The following SMPDL3B variants were observed in gnomAD, a reference collection of about 807,000 sequenced individuals.
SMPDL3B encodes sphingomyelin phosphodiesterase acid like 3B.
A neutral mutation model predicts 37.9 loss-of-function variants in SMPDL3B; 31 were observed. The ratio of observed to expected loss-of-function variants is 0.82; its 90% CI spans 0.61 to 1.10. The LOEUF (loss-of-function observed/expected upper bound fraction) is 1.10. Among genes scored for constraint, SMPDL3B ranks in the 50% least tolerant of loss-of-function variants. The pLI, the probability that SMPDL3B is intolerant of heterozygous loss-of-function variation, is 0.00. For missense variants in SMPDL3B, 525 were observed against 597.8 expected, an observed-to-expected ratio of 0.88 and a Z score of 1.27; for synonymous variants, 235 against 242.6, an observed-to-expected ratio of 0.97 and a Z score of 0.29.
At chr1:27,940,081 C>T (rs2090343892) in intron 1 of SMPDL3B, among the ~76,000 whole-genome samples, 1 of 152,182 alleles carries the variant, frequency 6.6e-6, no homozygotes, top group Non-Finnish European at 1.5e-5. Flanking sequence ...CCTTGCAGAG[C>T]TATGAGGCCT....
chr1:27,954,621 C>A (rs1354238439), intron 5 of SMPDL3B, 95 bp downstream of exon 5: 10 of 1,216,372 alleles, frequency 8.2e-6, no homozygotes, highest in Non-Finnish European at 1.1e-5. Flanking sequence ...CAAAGATGCC[C>A]ATATCCCAGA....
intron 7 of SMPDL3B, 136 bp downstream of exon 7, chr1:27,956,218 C>G: frequency 6.3e-7 from 1 of 1,588,190 alleles, no homozygotes; most frequent in Non-Finnish European, 8.6e-7. Flanking sequence ...CACCCTTCTC[C>G]AGCTCAGGAT....
chr1:27,953,478 C>A, intron 4 of SMPDL3B, 120 bp downstream of exon 4: 1 of 922,350 alleles, frequency 1.1e-6, no homozygotes, highest in Non-Finnish European at 1.6e-6. Flanking sequence ...GATAAGGAAG[C>A]CAGGGTCATA....
intron 1 of SMPDL3B, among the ~76,000 whole-genome samples, chr1:27,936,112 G>A (rs1254197194): frequency 6.6e-6 from 1 of 152,124 alleles, no homozygotes; most frequent in East Asian, 1.9e-4. Flanking sequence ...TGTCATTGGA[G>A]GGTTCTAGGC....
chr1:27,954,723 AC>A (rs1386467848), intron 5 of SMPDL3B, among the ~76,000 whole-genome samples, 197 bp downstream of exon 5: 1 of 152,102 alleles, frequency 6.6e-6, no homozygotes, highest in Non-Finnish European at 1.5e-5. Context: ...GCAGATGAGG[AC>A]CCTGAGGCTC....
intron 7 of SMPDL3B, 95 bp downstream of exon 7, chr1:27,956,177 C>A: frequency 2.5e-6 from 4 of 1,610,976 alleles, no homozygotes; most frequent in Non-Finnish European, 3.4e-6. Context: ...CTTCCCCTGA[C>A]CACTGAGCCT....
chr1:27,935,160 G>A lies in SMPDL3B; in HGVS notation c.-24G>A, dbSNP rs754719567. ...AACAACAGTGCCTGAGAATCCCACG[G>A]CTCTGGGGAAGTGAGCCCCGAGGAT... is the stretch of plus-strand genomic sequence containing the variant. On this transcript the variant is annotated 5_prime_UTR_variant, in exon 1 of 8. Transcript: ENST00000373894. 1.2e-6 allele frequency: 2 copies of A among 1,606,378 alleles called. No individual in the cohort carries two copies. The highest frequency in any genetic ancestry group is 3.3e-5 in the Admixed American group (2 of 59,964).
At position 27,954,358 on chromosome 1, in the gene SMPDL3B, C is replaced by T. The variant is rs2090480052; in HGVS notation, c.522C>T (p.Ala174=). 1.9e-6 allele frequency: 3 copies of T among 1,613,576 alleles called. No individual in the cohort carries two copies. The Admixed American group carries it at 5.0e-5, about 27-fold the overall frequency. The part of the protein sequence containing the change: ...NESIALFKKG[A]FYCEKLPGPS... ...TATTGTCCCTGGCTGTGACAGGTGC[C>T]TTCTACTGTGAGAAGCTGCCGGGTC... Residue 174 remains alanine (A), a synonymous_variant, in exon 5 of 8, where the codon GCC becomes GCT. Coordinates refer to ENST00000373894, the MANE Select transcript of SMPDL3B (RefSeq NM_014474.4).
At chr1:27,949,211 A>C in intron 3 of SMPDL3B, 49 bp downstream of exon 3, 1 of 1,582,590 alleles carries the variant, frequency 6.3e-7, no homozygotes, top group Non-Finnish European at 8.7e-7. Context: ...AACTCTAGGC[A>C]CTGCCTGGCA....
Position 27,954,502 on chromosome 1 carries a change from C to T in SMPDL3B, c.666C>T (p.Thr222=), listed in dbSNP as rs1247644712. 14 of 1,613,798 alleles carry T rather than the reference C, an allele frequency of 8.7e-6. No homozygotes were observed. Among genetic ancestry groups the T allele is most frequent in the South Asian group, 2.2e-5 (2 of 91,074 alleles). The change falls in exon 5 of 8, where the codon ACC becomes ACT. Residue 222 remains threonine (T), a synonymous_variant. Coordinates refer to ENST00000373894, the MANE Select transcript of SMPDL3B (RefSeq NM_014474.4). The part of the protein sequence containing the change: ...QQFQWLEDVL[T]DASKAGDMVY... ...TCCAGTGGCTGGAAGATGTGCTGAC[C>T]GATGCATCCAAAGCTGGGGACATGG...
At chr1:27,955,564 G>A in intron 5 of SMPDL3B, 120 bp from the exon 6 acceptor site, 1 of 940,990 alleles carries the variant, frequency 1.1e-6, no homozygotes, top group Non-Finnish European at 1.7e-6. Flanking sequence ...AGGCCTTCAG[G>A]GAGGAGATAC....
chr1:27,956,710 A>G (rs1638293301), intron 7 of SMPDL3B, among the ~76,000 whole-genome samples: 1 of 152,094 alleles, frequency 6.6e-6, no homozygotes, highest in Non-Finnish European at 1.5e-5. Context: ...AAACAAAGTC[A>G]CCCCTCTCCT....
At chr1:27,955,469 A>T (rs2090491902) in intron 5 of SMPDL3B, among the ~76,000 whole-genome samples, 1 of 152,084 alleles carries the variant, frequency 6.6e-6, no homozygotes, top group Non-Finnish European at 1.5e-5. Flanking sequence ...GGAGAAGGGT[A>T]CTCCAGGTGG....
chr1:27,955,954 C>G lies in SMPDL3B; in HGVS notation c.877C>G (p.Pro293Ala). ...FRMLYDDAGV[P>A]ISAMFITPGV... The stretch of plus-strand genomic sequence containing the variant: ...TGCTGTCTCTCTCCTGACAGGTGTC[C>G]CCATAAGCGCCATGTTCATCACACC... Residue 293 changes from proline to alanine, a missense_variant, in exon 7 of 8, where the codon CCC (proline) becomes GCC (alanine). Coordinates refer to ENST00000373894, the MANE Select transcript of SMPDL3B (RefSeq NM_014474.4). The G allele has an allele frequency of 6.2e-7, 1 of 1,614,028 alleles. No individual in the cohort carries two copies. The highest frequency in any genetic ancestry group is 1.1e-5 in the South Asian group (1 of 91,074).
chr1:27,946,449 T>A (rs1303999125), intron 2 of SMPDL3B, among the ~76,000 whole-genome samples: 1 of 152,038 alleles, frequency 6.6e-6, no homozygotes, highest in Non-Finnish European at 1.5e-5. Flanking sequence ...AGTTGTGGGG[T>A]AGATGCTAGG....
chr1:27,949,543 T>A (rs555976476), intron 3 of SMPDL3B, among the ~76,000 whole-genome samples: 1 of 152,288 alleles, frequency 6.6e-6, no homozygotes. Flanking sequence ...ACCCTCAAAC[T>A]GTCCTGGCTG....
chr1:27,944,652 G>A (rs1314044628), intron 1 of SMPDL3B, among the ~76,000 whole-genome samples: 2 of 152,054 alleles, frequency 1.3e-5, no homozygotes, highest in Non-Finnish European at 1.5e-5. Flanking sequence ...CACTGCACCC[G>A]GGCTTTGCTG....
intron 5 of SMPDL3B, among the ~76,000 whole-genome samples, chr1:27,955,086 G>A (rs1000106172): frequency 2.6e-5 from 4 of 152,294 alleles, no homozygotes; most frequent in South Asian, 2.1e-4. Flanking sequence ...TGGAAACCCC[G>A]GCTCAGTAGC....
Position 27,950,854 on chromosome 1 carries a change from T to C in SMPDL3B, c.373+1692T>C, listed in dbSNP as rs552049913. ...TATGTTGGCCAGGCTGGTCTCAAAG[T>C]CCTGACCTCAAGTGATCCGCACGCC... On this transcript the variant is annotated intron_variant, in intron 3 of 7. Transcript: ENST00000373894. 2.0e-5 allele frequency among the ~76,000 whole-genome samples: 3 copies of C among 152,318 alleles called. No homozygotes were observed. In the East Asian group the frequency reaches 5.8e-4, roughly 29 times the overall value.
Sources: allele counts gnomAD v4.1 joint callset (sites outside exome capture counted in the v4.1 genomes callset), GRCh38; gene constraint gnomAD v4.1.1; transcripts MANE v1.5; gene names NCBI Gene and HGNC (gene_info 2026-07-23, HGNC 2026-07-21).